NRXN3: variants seen among roughly 807,000 people sequenced by gnomAD.
NRXN3 encodes neurexin III.
NRXN3 carries 32 observed loss-of-function variants against 137.6 expected under a neutral mutation model. The observed-to-expected ratio is 0.23, with a 90% confidence interval of 0.18 to 0.31. NRXN3 has a LOEUF of 0.31. Among genes scored for constraint, NRXN3 ranks in the 10% least tolerant of loss-of-function variants. NRXN3 has a pLI of 1.00. For synonymous variants in NRXN3, 798 were observed against 784.5 expected (o/e 1.02, Z -0.29); for missense variants, 1,574 against 2,062.5 (o/e 0.76, Z 4.59).
At chr14:79,318,696 C>T (rs1478518566) in intron 15 of NRXN3, among the ~76,000 whole-genome samples, 1 of 152,116 alleles carries the variant, frequency 6.6e-6, no homozygotes, top group Non-Finnish European at 1.5e-5. Context: ...TTGGGTGCCT[C>T]TGCTTCTTTT....
At chr14:78,266,397 C>G (rs2071713427) in intron 2 of NRXN3, among the ~76,000 whole-genome samples, 1 of 152,024 alleles carries the variant, frequency 6.6e-6, no homozygotes, top group South Asian at 2.1e-4. Flanking sequence ...CTCCCTGGTT[C>G]AAGCAATTCT....
At chr14:79,271,289 G>A (rs1411925575) in intron 15 of NRXN3, among the ~76,000 whole-genome samples, 2 of 152,070 alleles carry the variant, frequency 1.3e-5, no homozygotes, top group Admixed American at 1.3e-4. Flanking sequence ...GTCTTTATTT[G>A]ACATTTCTGA....
At chr14:79,801,597 T>A (rs2099181288) in intron 19 of NRXN3, among the ~76,000 whole-genome samples, 1 of 152,020 alleles carries the variant, frequency 6.6e-6, no homozygotes. Flanking sequence ...GTAGAGGAGT[T>A]GGGATTCACA....
chr14:78,411,242 G>A (rs1364177794), intron 4 of NRXN3, among the ~76,000 whole-genome samples: 1 of 152,122 alleles, frequency 6.6e-6, no homozygotes, highest in East Asian at 1.9e-4. Context: ...ACAACACTAA[G>A]CATGTCGATA....
chr14:79,373,868 A>G (rs2197988), intron 15 of NRXN3, among the ~76,000 whole-genome samples: 65,806 of 151,914 alleles, frequency 0.43, 14,408 homozygotes, highest in Middle Eastern at 0.58. Context: ...TTTTTTTCAA[A>G]TTAATTCTAA....
intron 16 of NRXN3, among the ~76,000 whole-genome samples, chr14:79,574,410 GGATT>G (rs1188257991): frequency 6.6e-6 from 1 of 151,938 alleles, no homozygotes; most frequent in Non-Finnish European, 1.5e-5. Context: ...CTATAAACAA[GGATT>G]AATAATAGTA....
At chr14:79,684,119 A>T (rs547254710) in intron 17 of NRXN3, among the ~76,000 whole-genome samples, 15 of 152,346 alleles carry the variant, frequency 9.8e-5, no homozygotes, top group Non-Finnish European at 2.9e-5. Context: ...AAGCTAAGAG[A>T]GGTATCTCCT....
At chr14:78,250,298 T>TG (rs1320913077) in intron 2 of NRXN3, among the ~76,000 whole-genome samples, 1 of 152,180 alleles carries the variant, frequency 6.6e-6, no homozygotes, top group Non-Finnish European at 1.5e-5. Flanking sequence ...AGATAAAACA[T>TG]GAAGTTATCT....
intron 4 of NRXN3, among the ~76,000 whole-genome samples, chr14:78,564,661 G>T (rs185085848): frequency 1.2e-3 from 179 of 152,238 alleles, no homozygotes; most frequent in African/African-American, 4.2e-3. Context: ...CTTCGATCTG[G>T]TCTGCATTTT....
chr14:78,397,148 A>G (rs887691909), intron 4 of NRXN3, among the ~76,000 whole-genome samples: 7 of 152,188 alleles, frequency 4.6e-5, no homozygotes, highest in African/African-American at 1.7e-4. Context: ...GGATTTAAAC[A>G]TTTTATTTAA....
intron 19 of NRXN3, among the ~76,000 whole-genome samples, chr14:79,720,638 C>G (rs1317676751): frequency 6.6e-6 from 1 of 152,006 alleles, no homozygotes; most frequent in African/African-American, 2.4e-5. Context: ...CTATTCATTT[C>G]CAAGTCTTCC....
intron 4 of NRXN3, among the ~76,000 whole-genome samples, chr14:78,624,551 C>T (rs2097436366): frequency 6.6e-6 from 1 of 152,218 alleles, no homozygotes; most frequent in Non-Finnish European, 1.5e-5. Flanking sequence ...TGGGAACATG[C>T]TCCCCTCTGC....
At chr14:79,589,600 AAG>A (rs1388925841) in intron 16 of NRXN3, among the ~76,000 whole-genome samples, 2 of 151,324 alleles carry the variant, frequency 1.3e-5, no homozygotes, top group Non-Finnish European at 2.9e-5. Context: ...TAGATAGTAA[AAG>A]AGAAGTGGAT....
chr14:79,514,138 T>C (rs1181324405), intron 16 of NRXN3, among the ~76,000 whole-genome samples: 1 of 152,200 alleles, frequency 6.6e-6, no homozygotes, highest in South Asian at 2.1e-4. Flanking sequence ...TATGTAGAGA[T>C]AGAGATATAG....
intron 19 of NRXN3, among the ~76,000 whole-genome samples, chr14:79,772,230 C>T (rs2099080913): frequency 6.6e-6 from 1 of 151,946 alleles, no homozygotes; most frequent in South Asian, 2.1e-4. Flanking sequence ...CAATGCCATC[C>T]CCATCAAGTT....
At chr14:79,506,262 C>A (rs1164040716) in intron 16 of NRXN3, among the ~76,000 whole-genome samples, 1 of 152,140 alleles carries the variant, frequency 6.6e-6, no homozygotes, top group Non-Finnish European at 1.5e-5. Context: ...GCCTGTCCAC[C>A]ACAGTAAATG....
At chr14:79,743,071 G>C (rs2098968074) in intron 19 of NRXN3, among the ~76,000 whole-genome samples, 1 of 152,212 alleles carries the variant, frequency 6.6e-6, no homozygotes, top group Admixed American at 6.5e-5. Flanking sequence ...TGTTAGCCAT[G>C]AATTGTGGCT....
chr14:79,362,107 G>C (rs978789195), intron 15 of NRXN3, among the ~76,000 whole-genome samples: 2 of 149,200 alleles, frequency 1.3e-5, no homozygotes, highest in Non-Finnish European at 3.0e-5. Flanking sequence ...TTACAGGCGC[G>C]GGCCACCATG....
intron 15 of NRXN3, among the ~76,000 whole-genome samples, chr14:79,242,666 C>T (rs1230733076): frequency 6.6e-6 from 1 of 152,084 alleles, no homozygotes; most frequent in African/African-American, 2.4e-5. Flanking sequence ...TGTGTTTTTC[C>T]TCTCTGGGTC....
Sources: allele counts gnomAD v4.1 joint callset (sites outside exome capture counted in the v4.1 genomes callset), GRCh38; gene constraint gnomAD v4.1.1; transcripts MANE v1.5; gene names NCBI Gene and HGNC (gene_info 2026-07-23, HGNC 2026-07-21).